Variants in PPFIBP2 observed in about 807,000 individuals in gnomAD.
The protein encoded by PPFIBP2 is liprin-beta-2.
In PPFIBP2, 118 loss-of-function variants were observed where a neutral mutation model predicts 118.3. The ratio of observed to expected loss-of-function variants is 1.00; its 90% confidence interval spans 0.86 to 1.16. The LOEUF (loss-of-function observed/expected upper bound fraction) is 1.16, where lower values mean the gene tolerates loss of function less well. PPFIBP2 is among the 50% of genes most tolerant of loss of function. PPFIBP2 has a pLI of 0.00. For missense variants in PPFIBP2, 1,195 were observed against 1,073.1 expected, an observed-to-expected ratio of 1.11 and a Z score of -1.59; for synonymous variants, 414 against 397.4, an observed-to-expected ratio of 1.04 and a Z score of -0.50.
At position 7,635,606 on chromosome 11, in the gene PPFIBP2, CG is replaced by C. The variant is rs1565099030; in HGVS notation, c.1236+14del. 1.3e-6 allele frequency: 2 copies of C among 1,598,596 alleles called. No individual in the cohort carries two copies. The highest frequency in any genetic ancestry group is 1.7e-6 in the Non-Finnish European group (2 of 1,165,784). ...GTTAGAACCCAAGGTACATTGACTT[CG>C]TGCCCCGTCGTCTATTTGTGGTTAC... On this transcript the variant is annotated intron_variant, in intron 14 of 23. Transcript: ENST00000299492.
At chr11:7,587,963 C>T (rs76425716) in intron 3 of PPFIBP2, among the ~76,000 whole-genome samples, 1,748 of 152,280 alleles carry the variant, frequency 0.011, 47 homozygotes, top group African/African-American at 0.04. Flanking sequence ...TGTTTCTTTT[C>T]CTTAGCAAGA....
chr11:7,617,549 G>A (rs763087990), intron 6 of PPFIBP2, among the ~76,000 whole-genome samples: 3 of 152,120 alleles, frequency 2.0e-5, no homozygotes, highest in Non-Finnish European at 4.4e-5. Flanking sequence ...CTGGGAATGA[G>A]GTGCACCAGG....
At chr11:7,660,152 C>A (rs1854859494), downstream of PPFIBP2, among the ~76,000 whole-genome samples, 1 of 127,326 alleles carries the variant, frequency 7.9e-6, no homozygotes. Context: ...CCTTCTCCTG[C>A]CTAATTGCCC....
chr11:7,554,351 T>C (rs982462837), intron 2 of PPFIBP2, among the ~76,000 whole-genome samples: 3 of 152,238 alleles, frequency 2.0e-5, no homozygotes, highest in Non-Finnish European at 2.9e-5. Flanking sequence ...CTAGTAATCA[T>C]ATACTATGTA....
chr11:7,594,403 C>T (rs541021977), intron 4 of PPFIBP2, among the ~76,000 whole-genome samples: 6 of 152,278 alleles, frequency 3.9e-5, no homozygotes, highest in African/African-American at 1.4e-4. Flanking sequence ...GTATCTACAA[C>T]TTGTGAGATG....
chr11:7,619,360 G>A (rs542326899), intron 6 of PPFIBP2, among the ~76,000 whole-genome samples: 43 of 152,300 alleles, frequency 2.8e-4, no homozygotes, highest in African/African-American at 1.0e-3. Flanking sequence ...TGTTGTCTGC[G>A]AAGACCTAAG....
chr11:7,665,856 G>A, the PPFIBP2 span: 2 of 1,536,064 alleles, frequency 1.3e-6, no homozygotes, highest in Non-Finnish European at 1.7e-6. Flanking sequence ...CAGCCAGCTG[G>A]AGTTGTCCGG....
intron 3 of PPFIBP2, among the ~76,000 whole-genome samples, chr11:7,585,951 A>G (rs4758202): frequency 0.34 from 51,507 of 152,148 alleles, 9,320 homozygotes; most frequent in African/African-American, 0.48. Flanking sequence ...TATGTAGCAC[A>G]TAATACTTAG....
chr11:7,562,273 A>C (rs1281753726), intron 2 of PPFIBP2, among the ~76,000 whole-genome samples: 1 of 152,188 alleles, frequency 6.6e-6, no homozygotes, highest in Admixed American at 6.5e-5. Flanking sequence ...ACAGTGGCTC[A>C]CTCATATGGC....
intron 5 of PPFIBP2, among the ~76,000 whole-genome samples, chr11:7,607,728 C>G (rs1375460858): frequency 6.6e-6 from 1 of 152,064 alleles, no homozygotes; most frequent in Admixed American, 6.5e-5. Context: ...TTCCTTTTCC[C>G]CTTTGCATTG....
chr11:7,578,672 G>A (rs1318708878), intron 3 of PPFIBP2, among the ~76,000 whole-genome samples: 2 of 152,198 alleles, frequency 1.3e-5, no homozygotes, highest in Non-Finnish European at 2.9e-5. Context: ...AAGTGTGCCT[G>A]GAGGAAGAAC....
intron 2 of PPFIBP2, among the ~76,000 whole-genome samples, chr11:7,558,551 C>T (rs561073972): frequency 1.3e-5 from 2 of 152,084 alleles, no homozygotes; most frequent in East Asian, 3.9e-4. Context: ...GTCAGGAGTT[C>T]GAGACCAGCC....
downstream of PPFIBP2, among the ~76,000 whole-genome samples, chr11:7,656,152 G>A (rs752042186): frequency 8.5e-5 from 13 of 152,184 alleles, no homozygotes; most frequent in Non-Finnish European, 1.3e-4. Context: ...CAGGCTTATA[G>A]GCAGACTAGA....
At chr11:7,611,428 G>A (rs1157822644) in intron 6 of PPFIBP2, among the ~76,000 whole-genome samples, 1 of 152,256 alleles carries the variant, frequency 6.6e-6, no homozygotes, top group Non-Finnish European at 1.5e-5. Context: ...CATGTTTGCT[G>A]AGTAAACACA....
chr11:7,663,442 C>T, the PPFIBP2 span, among the ~76,000 whole-genome samples: 48 of 152,036 alleles, frequency 3.2e-4, no homozygotes, highest in African/African-American at 1.1e-3. Context: ...TGGGGGGTGC[C>T]TCCCAGTTAG....
intron 4 of PPFIBP2, chr11:7,597,170 C>G: frequency 6.9e-7 from 1 of 1,458,688 alleles, no homozygotes; most frequent in Non-Finnish European, 9.0e-7. Flanking sequence ...AAGTTTGGAC[C>G]GCTCTTCCAC....
chr11:7,641,026 A>G (rs1200257086), intron 15 of PPFIBP2: 4 of 1,279,062 alleles, frequency 3.1e-6, no homozygotes, highest in African/African-American at 1.5e-5. Context: ...TTCTTGGTTC[A>G]CTGGAGATCG....
At chr11:7,540,727 G>A (rs914735944) in intron 1 of PPFIBP2, among the ~76,000 whole-genome samples, 6 of 152,218 alleles carry the variant, frequency 3.9e-5, no homozygotes, top group South Asian at 2.1e-4. Flanking sequence ...TTTTCAGGGA[G>A]ATGGCTGTGC....
Position 7,639,847 on chromosome 11 carries a change from C to A in PPFIBP2, c.1352C>A (p.Thr451Lys). 6.2e-7 allele frequency: 1 copy of A among 1,614,126 alleles called. No homozygotes were observed. The highest frequency in any genetic ancestry group is 1.3e-5 in the African/African-American group (1 of 75,044). The change falls in exon 15 of 24, where the codon ACG (threonine) becomes AAG (lysine). Residue 451 changes from threonine (T) to lysine (K), a missense_variant. Transcript: ENST00000299492. Reference protein sequence around the residue: ...SPPTICQPDATGSSLLRLRDT... With the variant: ...SPPTICQPDAKGSSLLRLRDT... Reference sequence around the variant, plus strand: ...CCCACCATCTGCCAGCCTGACGCCACGGGGAGCAGCCTGCTGAGGCTGAGT... The same window carrying A: ...CCCACCATCTGCCAGCCTGACGCCAAGGGGAGCAGCCTGCTGAGGCTGAGT...
Sources: gnomAD v4.1 joint callset for allele counts (sites outside exome capture counted in the v4.1 genomes callset) on GRCh38, gnomAD v4.1.1 for gene constraint, MANE v1.5 for transcripts, NCBI Gene and HGNC (gene_info 2026-07-23, HGNC 2026-07-21) for gene names.